Variants in CERS6 observed in about 807,000 individuals in gnomAD.
CERS6 encodes the protein LAG1 homolog, ceramide synthase 6.
CERS6 carries 26 observed loss-of-function variants against 56.8 expected under a neutral mutation model. The observed-to-expected ratio is 0.46, with a 90% CI of 0.34 to 0.63. The LOEUF is 0.63. Ranked by LOEUF, CERS6 falls within the 30% of genes least tolerant of loss-of-function variation. CERS6 has a pLI of 0.01. For missense variants in CERS6, 415 were observed against 467.5 expected (o/e 0.89, Z 1.04); for synonymous variants, 164 against 173.3 (o/e 0.95, Z 0.42).
intron 4 of CERS6, among the ~76,000 whole-genome samples, chr2:168,680,882 G>A (rs779094998): frequency 7.4e-4 from 112 of 152,204 alleles, no homozygotes; most frequent in Non-Finnish European, 1.2e-3. Context: ...TGTTATAGCA[G>A]CACAAAGTGG....
At chr2:168,467,433 C>T (rs1481184746) in intron 1 of CERS6, among the ~76,000 whole-genome samples, 1 of 152,190 alleles carries the variant, frequency 6.6e-6, no homozygotes, top group East Asian at 1.9e-4. Context: ...CTTTGTATGT[C>T]AGTGGGTGTG....
chr2:168,473,327 A>G (rs1033039505), intron 1 of CERS6, among the ~76,000 whole-genome samples: 5 of 151,816 alleles, frequency 3.3e-5, no homozygotes, highest in Non-Finnish European at 7.4e-5. Context: ...TTGTGCTGCT[A>G]TCTCTGTTTG....
chr2:168,540,625 A>C (rs1159540374), intron 1 of CERS6, among the ~76,000 whole-genome samples: 1 of 152,224 alleles, frequency 6.6e-6, no homozygotes, highest in Non-Finnish European at 1.5e-5. Flanking sequence ...CCACCTAATC[A>C]TGTGATTCTC....
chr2:168,618,362 G>T (rs1684370466), intron 3 of CERS6, among the ~76,000 whole-genome samples: 1 of 152,110 alleles, frequency 6.6e-6, no homozygotes, highest in Non-Finnish European at 1.5e-5. Flanking sequence ...CTTCAACATA[G>T]TACTGGAATC....
At chr2:168,680,383 G>A (rs1686182267) in intron 4 of CERS6, among the ~76,000 whole-genome samples, 1 of 152,226 alleles carries the variant, frequency 6.6e-6, no homozygotes, top group African/African-American at 2.4e-5. Context: ...TGCAAGGAAA[G>A]GGATGATAAG....
At chr2:168,593,538 GTTTTGTT>G (rs1256956346) in intron 3 of CERS6, among the ~76,000 whole-genome samples, 63 of 151,942 alleles carry the variant, frequency 4.1e-4, no homozygotes, top group African/African-American at 1.5e-3. Context: ...GTTTTGTTTT[GTTTTGTT>G]TTGTTTTGTT....
intron 1 of CERS6, among the ~76,000 whole-genome samples, chr2:168,532,663 T>G (rs1409168941): frequency 2.0e-5 from 3 of 152,202 alleles, no homozygotes; most frequent in Non-Finnish European, 4.4e-5. Context: ...TTACCTGGGA[T>G]AGAGACCATC....
chr2:168,569,017 C>T (rs1336081386), intron 3 of CERS6, among the ~76,000 whole-genome samples: 1 of 152,192 alleles, frequency 6.6e-6, no homozygotes, highest in Non-Finnish European at 1.5e-5. Flanking sequence ...TTGAAATGGA[C>T]CTAACATTTG....
intron 1 of CERS6, among the ~76,000 whole-genome samples, chr2:168,473,076 C>T (rs1029666692): frequency 2.6e-5 from 4 of 152,038 alleles, no homozygotes; most frequent in African/African-American, 9.7e-5. Flanking sequence ...TTGGATCTAT[C>T]TTTTGTTCCT....
At chr2:168,726,088 A>C (rs953864034) in intron 8 of CERS6, among the ~76,000 whole-genome samples, 1 of 152,246 alleles carries the variant, frequency 6.6e-6, no homozygotes, top group Non-Finnish European at 1.5e-5. Context: ...AGTGCCTTAC[A>C]GTGGCTACTC....
intron 5 of CERS6, 32 bp downstream of exon 5, chr2:168,691,116 C>T (rs750056332): frequency 6.9e-6 from 11 of 1,590,898 alleles, no homozygotes; most frequent in East Asian, 2.2e-5. Flanking sequence ...GGTTTTTACA[C>T]ACATTAAGTA....
At chr2:168,734,583 C>T (rs1375013610) in intron 8 of CERS6, among the ~76,000 whole-genome samples, 1 of 152,164 alleles carries the variant, frequency 6.6e-6, no homozygotes, top group Non-Finnish European at 1.5e-5. Flanking sequence ...CACACATCAG[C>T]ATGGCTGTAT....
intron 1 of CERS6, among the ~76,000 whole-genome samples, chr2:168,523,012 A>G (rs1391134358): frequency 1.3e-5 from 2 of 152,264 alleles, no homozygotes; most frequent in South Asian, 2.1e-4. Context: ...TGATAGCTGT[A>G]TTAGTAATGC....
chr2:168,611,534 T>C (rs1489696954), intron 3 of CERS6, among the ~76,000 whole-genome samples: 1 of 152,236 alleles, frequency 6.6e-6, no homozygotes, highest in African/African-American at 2.4e-5. Context: ...TAAACATACT[T>C]ACTTTGTTCA....
intron 1 of CERS6, among the ~76,000 whole-genome samples, chr2:168,546,870 C>T (rs777678883): frequency 2.6e-5 from 4 of 152,212 alleles, no homozygotes; most frequent in Non-Finnish European, 5.9e-5. Flanking sequence ...ACTTCACCTG[C>T]TCCCCTTCAG....
At chr2:168,467,394 G>A (rs1693900051) in intron 1 of CERS6, among the ~76,000 whole-genome samples, 1 of 152,204 alleles carries the variant, frequency 6.6e-6, no homozygotes, top group Non-Finnish European at 1.5e-5. Context: ...AGTCATTTGG[G>A]CATTATGGAA....
chr2:168,691,926 G>T (rs951243051), intron 5 of CERS6, among the ~76,000 whole-genome samples: 1 of 152,186 alleles, frequency 6.6e-6, no homozygotes, highest in Non-Finnish European at 1.5e-5. Flanking sequence ...TGGGTTGTCT[G>T]TTGAGGTGTT....
intron 4 of CERS6, among the ~76,000 whole-genome samples, chr2:168,657,434 G>T (rs897612015): frequency 1.3e-5 from 2 of 152,250 alleles, no homozygotes; most frequent in Non-Finnish European, 2.9e-5. Context: ...TGCGCCATGC[G>T]CTCGCATTCC....
At chr2:168,728,387 CTTTTTTTTTT>C (rs397872513) in intron 8 of CERS6, among the ~76,000 whole-genome samples, 1 of 97,556 alleles carries the variant, frequency 1.0e-5, no homozygotes, top group African/African-American at 4.0e-5. Flanking sequence ...TGCAACTACT[CTTTTTTTTTT>C]TTTTTTTTTT....
Sources: gnomAD v4.1 joint callset for allele counts (sites outside exome capture counted in the v4.1 genomes callset) on GRCh38, gnomAD v4.1.1 for gene constraint, MANE v1.5 for transcripts, NCBI Gene and HGNC (gene_info 2026-07-23, HGNC 2026-07-21) for gene names.